The following MUSTN1 variants were observed in gnomAD, a reference collection of about 807,000 sequenced individuals.
The protein encoded by MUSTN1 is musculoskeletal embryonic nuclear protein 1.
In MUSTN1, 14 loss-of-function variants were observed where a neutral mutation model predicts 11.8. The ratio of observed to expected loss-of-function variants is 1.18; its 90% CI spans 0.78 to 1.85. The LOEUF (loss-of-function observed/expected upper bound fraction) is 1.85. Among genes scored for constraint, MUSTN1 ranks in the 40% most tolerant of loss-of-function variants. The pLI is 0.00. For missense variants in MUSTN1, 111 were observed against 108.8 expected, an observed-to-expected ratio of 1.02 and a Z score of -0.09; for synonymous variants, 42 against 43.3, an observed-to-expected ratio of 0.97 and a Z score of 0.12.
At chr3:52,834,789 G>C (rs527697020) in intron 1 of MUSTN1, 151 bp downstream of exon 1, 2 of 899,470 alleles carry the variant, frequency 2.2e-6, no homozygotes, top group East Asian at 5.3e-5. Context: ...TCTTCAGGGG[G>C]TCCTCCCTGA....
chr3:52,834,072 A>G (rs1487226471), intron 1 of MUSTN1, among the ~76,000 whole-genome samples: 1 of 152,168 alleles, frequency 6.6e-6, no homozygotes, highest in Non-Finnish European at 1.5e-5. Flanking sequence ...GAAGGGGACT[A>G]GCTCTGAGGT....
rs747668089 is a variant in MUSTN1, at chr3:52,833,239, G to C, written c.*85C>G. 2.3e-5 allele frequency: 36 copies of C among 1,560,502 alleles called. No individual in the cohort carries two copies. Among genetic ancestry groups the C allele is most frequent in the Middle Eastern group, 3.3e-4 (2 of 6,020 alleles). On this transcript the variant is annotated 3_prime_UTR_variant, in exon 3 of 3. Transcript: ENST00000446157. ...GCAGCCCCAGAGACAGCAGGGGAGA[G>C]GAAGCGTTCTGGCATAAAAAAGAGT...
intron 1 of MUSTN1, among the ~76,000 whole-genome samples, chr3:52,834,414 C>T (rs1238969289): frequency 2.0e-5 from 3 of 152,120 alleles, no homozygotes; most frequent in African/African-American, 7.2e-5. Context: ...GCAGGTATTT[C>T]CTCGCTCAGC....
chr3:52,834,940 C>T lies in MUSTN1; in HGVS notation c.9G>A (p.Gln3=). 1.2e-6 allele frequency: 2 copies of T among 1,613,668 alleles called. No homozygotes were observed. Among genetic ancestry groups the T allele is most frequent in the Non-Finnish European group, 1.7e-6 (2 of 1,179,820 alleles). The part of the protein sequence containing the change: MS[Q]AGAQEAPIKK... ...CACAGCCCTTGCTGGGTCCTCCTACCTGGGACATGGTGGGTATTGTGTAAG... is the reference window on the plus strand; with the variant it reads ...CACAGCCCTTGCTGGGTCCTCCTACTTGGGACATGGTGGGTATTGTGTAAG... Residue 3 remains glutamine (Q), a splice_region_variant and synonymous_variant, in exon 1 of 3, where the codon CAG becomes CAA. Coordinates refer to ENST00000446157, the MANE Select transcript of MUSTN1 (RefSeq NM_205853.4).
At position 52,833,265 on chromosome 3, in the gene MUSTN1, T is replaced by TC; in HGVS notation, c.*58dup. 6.2e-7 allele frequency: 1 copy of TC among 1,606,414 alleles called. No individual in the cohort carries two copies. The highest frequency in any genetic ancestry group is 2.2e-5 in the East Asian group (1 of 44,654). ...GAAGCGTTCTGGCATAAAAAAGAGT[T>TC]CCTGGGAAAGGCTCCTGTTTCCGAG... On this transcript the variant is annotated 3_prime_UTR_variant, in exon 3 of 3. Transcript: ENST00000446157.
rs763982518 is a variant in MUSTN1, at chr3:52,834,807, T to C, written c.9+133A>G. ...TCAGGGGGTCCTCCCTGAGCCCCCA[T>C]CTCCCAAGGGCTGCAGAGCCTCCAG... On this transcript the variant is annotated intron_variant, in intron 1 of 2. Coordinates refer to ENST00000446157, the MANE Select transcript of MUSTN1 (RefSeq NM_205853.4). The C allele has an allele frequency of 7.2e-6, 8 of 1,105,654 alleles. No homozygotes were observed. In the South Asian group the frequency reaches 9.8e-5, roughly 14 times the overall value. 68.5% of individuals were successfully genotyped at this position (1,105,654 alleles called of 1,614,324 possible). A position where few individuals can be genotyped will look rare whatever the true frequency, so the allele number is the denominator to read the frequency against.
At chr3:52,834,638 G>GCA (rs1491508126) in intron 1 of MUSTN1, 21 of 524,678 alleles carry the variant, frequency 4.0e-5, no homozygotes, top group Non-Finnish European at 6.4e-5. Context: ...TATATCGGCA[G>GCA]CACACACACA....
At chr3:52,834,517 T>G (rs1700660284) in intron 1 of MUSTN1, among the ~76,000 whole-genome samples, 1 of 152,072 alleles carries the variant, frequency 6.6e-6, no homozygotes, top group Non-Finnish European at 1.5e-5. Flanking sequence ...CACATACAGC[T>G]TCATGCATAT....
chr3:52,834,417 C>T (rs759837417), intron 1 of MUSTN1, among the ~76,000 whole-genome samples: 9 of 152,246 alleles, frequency 5.9e-5, no homozygotes, highest in Middle Eastern at 3.4e-3. Flanking sequence ...GGTATTTCCT[C>T]GCTCAGCCTG....
At chr3:52,834,644 ACACAGATGCG>A (rs898228615) in intron 1 of MUSTN1, 4 of 530,754 alleles carry the variant, frequency 7.5e-6, no homozygotes, top group African/African-American at 4.9e-5. Context: ...GGCAGCACAC[ACACAGATGCG>A]CACACACACA....
intron 1 of MUSTN1, among the ~76,000 whole-genome samples, chr3:52,834,450 C>T (rs1487018164): frequency 3.3e-5 from 5 of 152,108 alleles, no homozygotes; most frequent in African/African-American, 1.2e-4. Context: ...CAGAGCAACA[C>T]ACTATACCCC....
chr3:52,834,589 G>A (rs573075300), intron 1 of MUSTN1, among the ~76,000 whole-genome samples: 17 of 150,332 alleles, frequency 1.1e-4, no homozygotes, highest in Non-Finnish European at 2.4e-4. Flanking sequence ...TGGCTGCCGG[G>A]CCCATAGCTA....
intron 1 of MUSTN1, chr3:52,834,652 G>A (rs1210512804): frequency 9.2e-6 from 5 of 542,674 alleles, no homozygotes; most frequent in African/African-American, 4.0e-5. Context: ...ACACACAGAT[G>A]CGCACACACA....
chr3:52,833,522 T>C (rs989140076), intron 2 of MUSTN1, 92 bp from the exon 3 acceptor site: 9 of 1,586,236 alleles, frequency 5.7e-6, no homozygotes, highest in Admixed American at 3.5e-5. Context: ...CCAGGAATAC[T>C]GGATTCTCAG....
Position 52,834,708 on chromosome 3 carries a change from C to A in MUSTN1, c.9+232G>T, listed in dbSNP as rs757213716. ...TGCAAAGATCTATCTAGGCCCCCCC[C>A]ACCCCCAACATTTCTCTCCACTCCT... On this transcript the variant is annotated intron_variant, in intron 1 of 2. Transcript: ENST00000446157. 51 of 652,078 alleles carry A rather than the reference C, an allele frequency of 7.8e-5. 1 individual carries two copies. The highest frequency in any genetic ancestry group is 7.3e-4 in the South Asian group (42 of 57,890). 40.4% of individuals were successfully genotyped at this position (652,078 alleles called of 1,614,324 possible). A position where few individuals can be genotyped will look rare whatever the true frequency, so the allele number is the denominator to read the frequency against.
At chr3:52,834,673 C>CACACACACACACAG (rs1378344794) in intron 1 of MUSTN1, 28 of 618,026 alleles carry the variant, frequency 4.5e-5, no homozygotes, top group East Asian at 2.5e-4. Context: ...CACACACACA[C>CACACACACACACAG]ACAGGCACAT....
chr3:52,834,671 C>CAA, intron 1 of MUSTN1: 1 of 616,834 alleles, frequency 1.6e-6, no homozygotes, highest in Non-Finnish European at 2.9e-6. Context: ...CACACACACA[C>CAA]ACACAGGCAC....
intron 2 of MUSTN1, 66 bp from the exon 3 acceptor site, chr3:52,833,496 A>T: frequency 6.3e-7 from 1 of 1,591,810 alleles, no homozygotes; most frequent in Admixed American, 1.7e-5. Context: ...TTACGATGGG[A>T]GCACCTTTCT....
rs750515281 is a variant in MUSTN1, at chr3:52,834,914, A to G, written c.9+26T>C. 3 of 1,613,030 alleles carry G rather than the reference A, an allele frequency of 1.9e-6. No individual in the cohort carries two copies. The East Asian group carries it at 6.7e-5, about 36-fold the overall frequency. Reference sequence around the variant, plus strand: ...TCCACCTCCACTCCCTCTGGCATCAACACAGCCCTTGCTGGGTCCTCCTAC... The same window carrying G: ...TCCACCTCCACTCCCTCTGGCATCAGCACAGCCCTTGCTGGGTCCTCCTAC... On this transcript the variant is annotated intron_variant, in intron 1 of 2. Coordinates refer to ENST00000446157, the MANE Select transcript of MUSTN1 (RefSeq NM_205853.4).
Sources: gnomAD v4.1 joint callset for allele counts (sites outside exome capture counted in the v4.1 genomes callset) on GRCh38, gnomAD v4.1.1 for gene constraint, MANE v1.5 for transcripts, NCBI Gene and HGNC (gene_info 2026-07-23, HGNC 2026-07-21) for gene names.